RHOJ: variants seen among roughly 807,000 people sequenced by gnomAD.
The protein encoded by RHOJ is rho-related GTP-binding protein RhoJ.
In RHOJ, 11 loss-of-function variants were observed where a neutral mutation model predicts 23.4. That is an observed-to-expected ratio of 0.47 (90% CI 0.30 to 0.78). The LOEUF (loss-of-function observed/expected upper bound fraction) is 0.78. Ranked by LOEUF, RHOJ falls within the 30% of genes least tolerant of loss-of-function variation. The pLI, the probability that RHOJ is intolerant of heterozygous loss-of-function variation, is 0.08. For missense variants in RHOJ, 254 were observed against 273.4 expected (o/e 0.93, Z 0.50); for synonymous variants, 102 against 102.7 (o/e 0.99, Z 0.04).
chr14:63,231,579 T>G (rs1434793251), intron 1 of RHOJ, among the ~76,000 whole-genome samples: 1 of 152,216 alleles, frequency 6.6e-6, no homozygotes, highest in Non-Finnish European at 1.5e-5. Context: ...AAACCAAATA[T>G]GCACAAATTA....
At chr14:63,269,445 A>G in intron 2 of RHOJ, 2 of 306,826 alleles carry the variant, frequency 6.5e-6, no homozygotes. Context: ...TGTGACCACG[A>G]GTTTCAATTT....
At chr14:63,255,926 T>C (rs1445380792) in intron 1 of RHOJ, among the ~76,000 whole-genome samples, 5 of 152,074 alleles carry the variant, frequency 3.3e-5, no homozygotes, top group African/African-American at 1.2e-4. Flanking sequence ...TGGAGTGCAG[T>C]GGCCCAGTAG....
chr14:63,253,646 G>A (rs1208240951), intron 1 of RHOJ, among the ~76,000 whole-genome samples: 1 of 152,132 alleles, frequency 6.6e-6, no homozygotes, highest in Non-Finnish European at 1.5e-5. Context: ...AGGCAGGTTA[G>A]CACTTATTGA....
intron 1 of RHOJ, among the ~76,000 whole-genome samples, chr14:63,237,692 C>T (rs1894813885): frequency 6.6e-6 from 1 of 152,170 alleles, no homozygotes; most frequent in Non-Finnish European, 1.5e-5. Context: ...GCAGAAACAA[C>T]AGAAATAGCT....
intron 1 of RHOJ, among the ~76,000 whole-genome samples, chr14:63,221,037 C>T (rs958749917): frequency 2.0e-5 from 3 of 152,154 alleles, no homozygotes; most frequent in Admixed American, 6.6e-5. Flanking sequence ...CCCTCTAAAA[C>T]AGCTGCTCGG....
chr14:63,217,430 G>A (rs968483309), intron 1 of RHOJ, among the ~76,000 whole-genome samples: 52 of 152,208 alleles, frequency 3.4e-4, no homozygotes, highest in African/African-American at 1.2e-3. Flanking sequence ...AGAAAAACAA[G>A]CAATGGGGAA....
intron 1 of RHOJ, among the ~76,000 whole-genome samples, chr14:63,205,544 A>G (rs1400355702): frequency 6.6e-6 from 1 of 152,236 alleles, no homozygotes; most frequent in East Asian, 1.9e-4. Context: ...AATTGGTGCT[A>G]TAATACTATA....
intron 2 of RHOJ, among the ~76,000 whole-genome samples, chr14:63,277,007 C>T (rs1164436924): frequency 6.6e-6 from 1 of 152,184 alleles, no homozygotes; most frequent in Non-Finnish European, 1.5e-5. Context: ...TGTGGTCAAA[C>T]ATTTTGATTG....
At chr14:63,210,074 C>T (rs1894201493) in intron 1 of RHOJ, among the ~76,000 whole-genome samples, 1 of 151,812 alleles carries the variant, frequency 6.6e-6, no homozygotes, top group Admixed American at 6.6e-5. Flanking sequence ...ATTCTCCTGC[C>T]TTAGCCTCCC....
intron 1 of RHOJ, among the ~76,000 whole-genome samples, chr14:63,229,566 G>A (rs1184644338): frequency 6.6e-6 from 1 of 152,090 alleles, no homozygotes; most frequent in Non-Finnish European, 1.5e-5. Context: ...CATCAGCCAA[G>A]CACTGTTCTC....
At chr14:63,241,978 AGC>A (rs1894891591) in intron 1 of RHOJ, among the ~76,000 whole-genome samples, 1 of 152,244 alleles carries the variant, frequency 6.6e-6, no homozygotes, top group Admixed American at 6.5e-5. Flanking sequence ...GTCCAAAGGA[AGC>A]TGAGTGACTT....
intron 1 of RHOJ, among the ~76,000 whole-genome samples, chr14:63,229,379 C>T (rs897313333): frequency 3.3e-5 from 5 of 152,188 alleles, no homozygotes; most frequent in Non-Finnish European, 7.4e-5. Context: ...GTCAGAAGTC[C>T]AGCAGGCATG....
intron 4 of RHOJ, among the ~76,000 whole-genome samples, chr14:63,290,042 A>G (rs1594781064): frequency 6.6e-6 from 1 of 152,140 alleles, no homozygotes; most frequent in East Asian, 1.9e-4. Flanking sequence ...CAGGAGTTCA[A>G]GACCAGACTG....
intron 1 of RHOJ, among the ~76,000 whole-genome samples, chr14:63,227,054 C>T (rs531671397): frequency 5.9e-5 from 9 of 152,070 alleles, no homozygotes; most frequent in Non-Finnish European, 1.2e-4. Context: ...TGGGTTCAAG[C>T]GATTCTCCCA....
intron 1 of RHOJ, among the ~76,000 whole-genome samples, chr14:63,217,237 C>G (rs763017526): frequency 0.053 from 6,765 of 126,492 alleles, 275 homozygotes; most frequent in Non-Finnish European, 0.085. Context: ...TCCCTCCCCG[C>G]TCCCCCCACC....
Position 63,292,156 on chromosome 14 carries a change from T to C in RHOJ, c.*1132T>C, listed in dbSNP as rs998320481. The stretch of plus-strand genomic sequence containing the variant: ...TGCTTCTCAGCTCGCCCCATGTAAG[T>C]TCTCATTCCATGTAAATGACATTTT... On this transcript the variant is annotated 3_prime_UTR_variant, in exon 5 of 5. Coordinates refer to ENST00000316754, the MANE Select transcript of RHOJ (RefSeq NM_020663.5). 2 of 152,232 alleles carry C rather than the reference T, an allele frequency of 1.3e-5. No homozygotes were observed. Among genetic ancestry groups the C allele is most frequent in the Non-Finnish European group, 2.9e-5 (2 of 68,048 alleles). The allele number at this position is 152,232 out of a possible 1,614,324, so 9.4% of individuals were successfully genotyped here.
At chr14:63,249,087 C>G (rs545869546) in intron 1 of RHOJ, among the ~76,000 whole-genome samples, 1 of 152,238 alleles carries the variant, frequency 6.6e-6, no homozygotes, top group South Asian at 2.1e-4. Flanking sequence ...TTCTTGCAAA[C>G]AGTCAGAGCC....
intron 1 of RHOJ, among the ~76,000 whole-genome samples, chr14:63,212,283 C>T (rs138896522): frequency 1.2e-3 from 179 of 152,238 alleles, no homozygotes; most frequent in African/African-American, 4.1e-3. Context: ...GGAAAGCCCC[C>T]CTCTGTGCCC....
chr14:63,217,712 C>G (rs1016304266), intron 1 of RHOJ, among the ~76,000 whole-genome samples: 7 of 152,192 alleles, frequency 4.6e-5, no homozygotes, highest in African/African-American at 1.7e-4. Flanking sequence ...AACTAAAGAG[C>G]TTCTGCACAG....
Sources: allele counts gnomAD v4.1 joint callset (sites outside exome capture counted in the v4.1 genomes callset), GRCh38; gene constraint gnomAD v4.1.1; transcripts MANE v1.5; gene names NCBI Gene and HGNC (gene_info 2026-07-23, HGNC 2026-07-21).